The following MIOS variants were observed in gnomAD, a reference collection of about 807,000 sequenced individuals.
The protein encoded by MIOS is meiosis regulator for oocyte development.
A neutral mutation model predicts 96.9 loss-of-function variants in MIOS; 52 were observed. That is an observed-to-expected ratio of 0.54 (90% CI 0.43 to 0.68). MIOS has a LOEUF of 0.68. MIOS is among the 30% of genes least tolerant of loss of function. The probability of loss-of-function intolerance (pLI) is 0.00; values close to 1 mark genes in which losing one functional copy is unlikely to be tolerated. For synonymous variants in MIOS, 397 were observed against 359.5 expected, an observed-to-expected ratio of 1.10 and a Z score of -1.18; for missense variants, 1,005 against 1,052.8, an observed-to-expected ratio of 0.95 and a Z score of 0.63.
intron 11 of MIOS, among the ~76,000 whole-genome samples, chr7:7,597,525 A>C (rs1326812492): frequency 1.1e-5 from 1 of 89,926 alleles, no homozygotes; most frequent in Non-Finnish European, 2.4e-5. Flanking sequence ...TATGAAGGCA[A>C]TACGTAATGT....
chr7:7,583,151 G>A lies in MIOS; in HGVS notation c.1427G>A (p.Gly476Glu). 6.2e-7 allele frequency: 1 copy of A among 1,613,998 alleles called. No homozygotes were observed. Residue 476 changes from glycine to glutamate, a missense_variant, in exon 6 of 13, where the codon GGG becomes GAG. By Grantham distance (98) the Gly-to-Glu change is moderately conservative (BLOSUM62 -2). Around this residue, in one of 3 missense-constraint regions of MIOS, gnomAD observed 865 missense variants for 887.9 expected, o/e 0.97. Coordinates refer to ENST00000340080, the MANE Select transcript of MIOS (RefSeq NM_019005.4). ...GAAAGCAGCAGACATAATTGGAGTG[G>A]GTTGGATAAGCAAAGTGATATTCAA... The part of the protein sequence containing the change: ...MVESSRHNWS[G>E]LDKQSDIQNL...
chr7:7,577,720 T>C (rs1202361235), intron 5 of MIOS, among the ~76,000 whole-genome samples: 6 of 152,104 alleles, frequency 3.9e-5, no homozygotes, highest in African/African-American at 1.4e-4. Context: ...ATGCAGGATG[T>C]TTGAGTTTCA....
chr7:7,598,590 A>G (rs1372102769), intron 11 of MIOS, among the ~76,000 whole-genome samples: 1 of 152,194 alleles, frequency 6.6e-6, no homozygotes, highest in African/African-American at 2.4e-5. Flanking sequence ...AGCTCGAGGT[A>G]AAATATAGCA....
At chr7:7,597,884 T>TG in intron 11 of MIOS, among the ~76,000 whole-genome samples, 1 of 152,190 alleles carries the variant, frequency 6.6e-6, no homozygotes, top group Admixed American at 6.5e-5. Flanking sequence ...TGGCTGGTCT[T>TG]GAACTCCTGA....
Position 7,607,923 on chromosome 7 carries a change from A to C in MIOS, c.*831A>C, listed in dbSNP as rs1784575005. On this transcript the variant is annotated 3_prime_UTR_variant, in exon 13 of 13. Transcript: ENST00000340080. ...ATTAATTTGTCATCTTATCCTCATC[A>C]CCTGAGAACATTTTACTGCATACAA... is the stretch of plus-strand genomic sequence containing the variant. 2.0e-5 allele frequency: 3 copies of C among 152,246 alleles called. No individual in the cohort carries two copies. Among genetic ancestry groups the C allele is most frequent in the Admixed American group, 2.0e-4 (3 of 15,272 alleles). 9.4% of individuals were successfully genotyped at this position (152,246 alleles called of 1,614,324 possible).
intron 5 of MIOS, among the ~76,000 whole-genome samples, chr7:7,577,951 A>T (rs947791967): frequency 5.3e-5 from 8 of 152,196 alleles, no homozygotes; most frequent in Admixed American, 2.0e-4. Context: ...TTGGGATCTT[A>T]TTTGGATAGA....
chr7:7,576,480 A>G (rs1274590588), intron 5 of MIOS, among the ~76,000 whole-genome samples: 4 of 152,216 alleles, frequency 2.6e-5, no homozygotes, highest in African/African-American at 7.2e-5. Context: ...CAGAGGAGGT[A>G]CAGTTAAAGA....
At position 7,572,634 on chromosome 7, in the gene MIOS, A is replaced by G. The variant is rs1442168086; in HGVS notation, c.159A>G (p.Leu53=). The G allele has an allele frequency of 1.2e-6, 2 of 1,614,010 alleles. No individual in the cohort carries two copies. The highest frequency in any genetic ancestry group is 1.7e-6 in the Non-Finnish European group (2 of 1,180,000). ...TATCTGAAGACTCTGCAGCTACATTACTGTCAATAAATTCAGATACACCCT... is the reference window on the plus strand; with the variant it reads ...TATCTGAAGACTCTGCAGCTACATTGCTGTCAATAAATTCAGATACACCCT... ...LRLSEDSAAT[L]LSINSDTPYM... The change falls in exon 4 of 13, where the codon TTA becomes TTG. Residue 53 remains leucine (L), a synonymous_variant. Transcript: ENST00000340080. The surrounding 1 kb of genome is among the most constrained non-coding windows in gnomAD (Gnocchi z 4.8).
intron 11 of MIOS, among the ~76,000 whole-genome samples, chr7:7,599,233 A>G (rs769683539): frequency 1.3e-5 from 2 of 152,168 alleles, no homozygotes; most frequent in Non-Finnish European, 2.9e-5. Flanking sequence ...GGCTATTAAG[A>G]TATTTATTTC....
rs1784588706 is a variant in MIOS, at chr7:7,608,509, T to A, written c.*1417T>A. The A allele has an allele frequency of 6.6e-6, 1 of 152,096 alleles. No individual in the cohort carries two copies. Among genetic ancestry groups the A allele is most frequent in the Non-Finnish European group, 1.5e-5 (1 of 67,958 alleles). 9.4% of individuals were successfully genotyped at this position (152,096 alleles called of 1,614,324 possible). A position where few individuals can be genotyped will look rare whatever the true frequency, so the allele number is the denominator to read the frequency against. Reference sequence around the variant, plus strand: ...CATTGGAAGTAGTACATATTTACTCTAAATGTCTCACCTGCATGACAGTCT... The same window carrying A: ...CATTGGAAGTAGTACATATTTACTCAAAATGTCTCACCTGCATGACAGTCT... On this transcript the variant is annotated 3_prime_UTR_variant, in exon 13 of 13. Coordinates refer to ENST00000340080, the MANE Select transcript of MIOS (RefSeq NM_019005.4).
chr7:7,594,837 A>G (rs900173317), intron 9 of MIOS, 143 bp from the exon 10 acceptor site: 32 of 478,258 alleles, frequency 6.7e-5, no homozygotes, highest in Non-Finnish European at 9.7e-5. Context: ...AATTTTCTTT[A>G]TTCTCATTAG....
At chr7:7,583,817 G>T (rs1057311026) in intron 6 of MIOS, among the ~76,000 whole-genome samples, 1 of 152,046 alleles carries the variant, frequency 6.6e-6, no homozygotes, top group African/African-American at 2.4e-5. Flanking sequence ...CTTTTATTTA[G>T]GCTAATACAA....
chr7:7,598,702 A>C (rs1009552142), intron 11 of MIOS, among the ~76,000 whole-genome samples: 3 of 152,186 alleles, frequency 2.0e-5, no homozygotes, highest in African/African-American at 7.2e-5. Flanking sequence ...GATTATTTGC[A>C]TTCTTACACC....
At chr7:7,597,517 T>TATATAA (rs372634070) in intron 11 of MIOS, among the ~76,000 whole-genome samples, 1 of 70,440 alleles carries the variant, frequency 1.4e-5, no homozygotes, top group African/African-American at 5.1e-5. Flanking sequence ...TATATATATA[T>TATATAA]GAAGGCAATA....
intron 5 of MIOS, among the ~76,000 whole-genome samples, chr7:7,581,119 C>T (rs190784134): frequency 1.4e-4 from 21 of 150,660 alleles, no homozygotes; most frequent in African/African-American, 4.6e-4. Context: ...GTCGGGACTT[C>T]GAGAACAGCC....
chr7:7,585,915 A>G (rs1015789853), intron 7 of MIOS, 110 bp downstream of exon 7: 1 of 1,015,186 alleles, frequency 9.9e-7, no homozygotes, highest in African/African-American at 1.7e-5. Flanking sequence ...ATTTTTATGC[A>G]TATGTTATTT....
chr7:7,595,182 A>G (rs771012305), intron 10 of MIOS, 50 bp downstream of exon 10: 16 of 1,561,546 alleles, frequency 1.0e-5, no homozygotes, highest in African/African-American at 1.4e-5. Flanking sequence ...TTGATGTTCA[A>G]TTTAATAAGT....
At position 7,573,597 on chromosome 7, in the gene MIOS, A is replaced by G; in HGVS notation, c.1122A>G (p.Leu374=). The G allele has an allele frequency of 6.2e-7, 1 of 1,614,102 alleles. No homozygotes were observed. The highest frequency in any genetic ancestry group is 8.5e-7 in the Non-Finnish European group (1 of 1,179,948). Reference sequence around the variant, plus strand: ...TAATGTGGGCTTGTGGTCGTCATTTATATGAATGTACGGAAGAAGAAAATG... The same window carrying G: ...TAATGTGGGCTTGTGGTCGTCATTTGTATGAATGTACGGAAGAAGAAAATG... The part of the protein sequence containing the change: ...TSLMWACGRH[L]YECTEEENDN... The change falls in exon 4 of 13, where the codon TTA becomes TTG. Residue 374 remains leucine (L), a synonymous_variant. Transcript: ENST00000340080. This position sits in a 1 kb window ranked among gnomAD's most constrained non-coding sequence, Gnocchi z 5.0.
intron 11 of MIOS, among the ~76,000 whole-genome samples, chr7:7,604,723 A>G (rs1468013530): frequency 2.0e-5 from 3 of 152,206 alleles, no homozygotes; most frequent in South Asian, 2.1e-4. Flanking sequence ...AAGCCTTTAT[A>G]CTTGGCAGTG....
Sources: gnomAD v4.1 joint callset for allele counts (sites outside exome capture counted in the v4.1 genomes callset) on GRCh38, gnomAD v4.1.1 for gene constraint, gnomAD v4.1.1 regional missense constraint, Gnocchi (gnomAD v3.1) non-coding constraint, MANE v1.5 for transcripts, NCBI Gene and HGNC (gene_info 2026-07-23, HGNC 2026-07-21) for gene names.